The following KCNQ3 variants were observed in gnomAD, a reference collection of about 807,000 sequenced individuals.
KCNQ3 encodes potassium voltage-gated channel subfamily KQT member 3.
In KCNQ3, 30 loss-of-function variants were observed where a neutral mutation model predicts 92.5. The ratio of observed to expected loss-of-function variants is 0.32; its 90% CI spans 0.24 to 0.44. KCNQ3 has a LOEUF of 0.44. Among genes scored for constraint, KCNQ3 ranks in the 20% least tolerant of loss-of-function variants. The pLI, the probability that KCNQ3 is intolerant of heterozygous loss-of-function variation, is 1.00. For missense variants in KCNQ3, 913 were observed against 1,140.3 expected, an observed-to-expected ratio of 0.80 and a Z score of 2.87; for synonymous variants, 450 against 468.8, an observed-to-expected ratio of 0.96 and a Z score of 0.52.
At chr8:132,147,887 T>A (rs989099724) in intron 9 of KCNQ3, among the ~76,000 whole-genome samples, 1 of 152,184 alleles carries the variant, frequency 6.6e-6, no homozygotes, top group African/African-American at 2.4e-5. Flanking sequence ...AATCTTTTCA[T>A]GTGGAAAGGG....
At chr8:132,479,325 G>C (rs1433173402) in intron 1 of KCNQ3, among the ~76,000 whole-genome samples, 1 of 152,182 alleles carries the variant, frequency 6.6e-6, no homozygotes, top group Non-Finnish European at 1.5e-5. Flanking sequence ...TCCAGGCCAA[G>C]CCCCTCACAT....
chr8:132,198,429 T>G (rs62519638), intron 1 of KCNQ3, among the ~76,000 whole-genome samples: 10,319 of 152,304 alleles, frequency 0.068, 501 homozygotes, highest in African/African-American at 0.12. Flanking sequence ...ATACTAGTTT[T>G]CCAGGATCTG....
chr8:132,246,009 G>A (rs1380200299), intron 1 of KCNQ3, among the ~76,000 whole-genome samples: 1 of 147,732 alleles, frequency 6.8e-6, no homozygotes, highest in East Asian at 2.0e-4. Context: ...AAAATCAAGG[G>A]ACCCTTCCAG....
intron 13 of KCNQ3, among the ~76,000 whole-genome samples, chr8:132,133,885 G>A (rs1824971005): frequency 6.6e-6 from 1 of 152,212 alleles, no homozygotes; most frequent in African/African-American, 2.4e-5. Flanking sequence ...ATATCTGAGT[G>A]TCTTCTCTGG....
chr8:132,467,959 G>A (rs1290641025), intron 1 of KCNQ3, among the ~76,000 whole-genome samples: 1 of 152,160 alleles, frequency 6.6e-6, no homozygotes, highest in Non-Finnish European at 1.5e-5. Context: ...ACCACCTTAG[G>A]CAAGTTTCAA....
At chr8:132,374,775 G>A (rs998866191) in intron 1 of KCNQ3, among the ~76,000 whole-genome samples, 1 of 151,994 alleles carries the variant, frequency 6.6e-6, no homozygotes, top group Non-Finnish European at 1.5e-5. Flanking sequence ...AGAAAACGTG[G>A]TATCTGGTTT....
At chr8:132,386,555 T>A (rs1211132804) in intron 1 of KCNQ3, among the ~76,000 whole-genome samples, 3 of 152,110 alleles carry the variant, frequency 2.0e-5, no homozygotes, top group Non-Finnish European at 4.4e-5. Flanking sequence ...TTGAGGGATA[T>A]CATACAAAAT....
intron 1 of KCNQ3, among the ~76,000 whole-genome samples, chr8:132,214,400 C>T (rs956677764): frequency 2.6e-5 from 4 of 151,984 alleles, no homozygotes; most frequent in Non-Finnish European, 5.9e-5. Flanking sequence ...TCTTTCCTTC[C>T]GTTAGGAGCA....
At position 132,176,035 on chromosome 8, in the gene KCNQ3, T is replaced by G. The variant is rs549552162; in HGVS notation, c.778-427A>C. On this transcript the variant is annotated intron_variant, in intron 4 of 14. Coordinates refer to ENST00000388996, the MANE Select transcript of KCNQ3 (RefSeq NM_004519.4). ...GGGTCTCTGTCCAGAGACCCAGCCC[T>G]GACACCAGTTTATGGTGTGGCCTTG... Among the ~76,000 whole-genome samples the G allele has an allele frequency of 1.5e-4, 23 of 152,304 alleles. 1 individual carries two copies. In the South Asian group the frequency reaches 4.8e-3, roughly 32 times the overall value.
chr8:132,376,362 C>T (rs1440248915), intron 1 of KCNQ3, among the ~76,000 whole-genome samples: 2 of 152,208 alleles, frequency 1.3e-5, no homozygotes, highest in East Asian at 3.8e-4. Flanking sequence ...AAATACGGTG[C>T]TGGCAGTCCA....
chr8:132,261,522 T>C (rs1358586414), intron 1 of KCNQ3, among the ~76,000 whole-genome samples: 1 of 152,150 alleles, frequency 6.6e-6, no homozygotes, highest in African/African-American at 2.4e-5. Context: ...TTTTGAAGCT[T>C]GGAATAGAAA....
intron 1 of KCNQ3, among the ~76,000 whole-genome samples, chr8:132,318,127 G>C (rs183600439): frequency 4.6e-5 from 7 of 152,296 alleles, no homozygotes; most frequent in Admixed American, 2.0e-4. Flanking sequence ...CACATTCTGA[G>C]GCCAGTAGAT....
rs376159963 is a variant in KCNQ3, at chr8:132,438,574, G to T, written c.386+41573C>A. Among the ~76,000 whole-genome samples, 5 of 152,250 alleles carry T rather than the reference G, an allele frequency of 3.3e-5. No homozygotes were observed. In the East Asian group the frequency reaches 9.7e-4, roughly 29 times the overall value. ...GGAACCCCTGCAACGTGTGGGTGCGGCTGCTTGGTGATGGACCAGTAACAT... is the reference window on the plus strand; with the variant it reads ...GGAACCCCTGCAACGTGTGGGTGCGTCTGCTTGGTGATGGACCAGTAACAT... On this transcript the variant is annotated intron_variant, in intron 1 of 14. Transcript: ENST00000388996.
chr8:132,249,513 C>T (rs1479891579), intron 1 of KCNQ3, among the ~76,000 whole-genome samples: 1 of 151,490 alleles, frequency 6.6e-6, no homozygotes, highest in Non-Finnish European at 1.5e-5. Flanking sequence ...ACACAGAGTG[C>T]TGACTGGTGT....
chr8:132,167,627 G>A (rs1331360233), intron 8 of KCNQ3, among the ~76,000 whole-genome samples: 1 of 152,166 alleles, frequency 6.6e-6, no homozygotes, highest in Non-Finnish European at 1.5e-5. Context: ...CTTCAGAATG[G>A]TTGCTAAATG....
At chr8:132,238,447 C>T (rs950614040) in intron 1 of KCNQ3, among the ~76,000 whole-genome samples, 2 of 152,172 alleles carry the variant, frequency 1.3e-5, no homozygotes, top group Admixed American at 6.5e-5. Flanking sequence ...TGTAAGAGAG[C>T]AGGCTCCTGA....
At chr8:132,416,131 G>A (rs1820798106) in intron 1 of KCNQ3, among the ~76,000 whole-genome samples, 1 of 152,198 alleles carries the variant, frequency 6.6e-6, no homozygotes, top group South Asian at 2.1e-4. Flanking sequence ...AGGCACTCAC[G>A]TTTGTTGTTG....
chr8:132,304,955 G>C (rs970032894), intron 1 of KCNQ3, among the ~76,000 whole-genome samples: 1 of 152,168 alleles, frequency 6.6e-6, no homozygotes, highest in African/African-American at 2.4e-5. Flanking sequence ...TGAAGGAAAG[G>C]AGGAAGGAAG....
At chr8:132,135,587 G>T (rs1295537412) in intron 12 of KCNQ3, among the ~76,000 whole-genome samples, 1 of 152,162 alleles carries the variant, frequency 6.6e-6, no homozygotes, top group Non-Finnish European at 1.5e-5. Context: ...CATTTGCTTA[G>T]TAAGTAGCAA....
Sources: allele counts gnomAD v4.1 joint callset (sites outside exome capture counted in the v4.1 genomes callset), GRCh38; gene constraint gnomAD v4.1.1; transcripts MANE v1.5; gene names NCBI Gene and HGNC (gene_info 2026-07-23, HGNC 2026-07-21).